CTDSPL2: variants seen among roughly 807,000 people sequenced by gnomAD.
CTDSPL2 encodes the protein CTD small phosphatase like 2, also known as CTD small phosphatase-like protein 2.
In CTDSPL2, 5 loss-of-function variants were observed where a neutral mutation model predicts 60.0. The observed-to-expected ratio is 0.08, with a 90% CI of 0.04 to 0.18. The LOEUF (loss-of-function observed/expected upper bound fraction) is 0.18, where lower values mean the gene tolerates loss of function less well. CTDSPL2 is among the 10% of genes least tolerant of loss of function. The pLI, the probability that CTDSPL2 is intolerant of heterozygous loss-of-function variation, is 1.00. For missense variants in CTDSPL2, 370 were observed against 548.8 expected, an observed-to-expected ratio of 0.67 and a Z score of 3.26; for synonymous variants, 186 against 189.3, an observed-to-expected ratio of 0.98 and a Z score of 0.14.
At chr15:44,478,927 C>G (rs1272247467) in intron 2 of CTDSPL2, among the ~76,000 whole-genome samples, 6 of 152,096 alleles carry the variant, frequency 3.9e-5, no homozygotes, top group Non-Finnish European at 8.8e-5. Flanking sequence ...ACTGACTGCA[C>G]TTTAGCCTGG....
intron 10 of CTDSPL2, among the ~76,000 whole-genome samples, chr15:44,515,420 G>C (rs755591885): frequency 6.6e-6 from 1 of 152,094 alleles, no homozygotes; most frequent in African/African-American, 2.4e-5. Context: ...TGGGAGTGCC[G>C]TGGTGATTTT....
Position 44,486,530 on chromosome 15 carries a change from TTTTTC to T in CTDSPL2, c.326-18_326-14del, listed in dbSNP as rs1271718918. The T allele has an allele frequency of 1.1e-5, 16 of 1,505,080 alleles. No individual in the cohort carries two copies. The highest frequency in any genetic ancestry group is 1.3e-5 in the Non-Finnish European group (15 of 1,121,540). The allele number at this position is 1,505,080 out of a possible 1,614,324, so 93.2% of individuals were successfully genotyped here. ...ATTCAGTGTTTTCTAGATCATGACT[TTTTTC>T]TTGTTTCTTTTTTAGAAGCTGGTAG... is the stretch of plus-strand genomic sequence containing the variant. On this transcript the variant is annotated splice_polypyrimidine_tract_variant and intron_variant, in intron 3 of 12. Transcript: ENST00000260327.
At chr15:44,459,821 C>G (rs1022050964) in intron 2 of CTDSPL2, among the ~76,000 whole-genome samples, 10 of 152,130 alleles carry the variant, frequency 6.6e-5, no homozygotes, top group African/African-American at 2.4e-4. Flanking sequence ...TATTCACTGT[C>G]TAGGGAGGTG....
intron 2 of CTDSPL2, among the ~76,000 whole-genome samples, chr15:44,473,963 G>A (rs2080861404): frequency 6.6e-6 from 1 of 151,972 alleles, no homozygotes; most frequent in African/African-American, 2.4e-5. Context: ...CAGCTAGCTG[G>A]GACTACAGGT....
chr15:44,444,849 T>G (rs1049391875), intron 1 of CTDSPL2, among the ~76,000 whole-genome samples: 5 of 124,686 alleles, frequency 4.0e-5, no homozygotes, highest in African/African-American at 1.4e-4. Context: ...TTTTTTTTTT[T>G]TTTTTTTTTT....
At chr15:44,522,913 C>T (rs1029775695) in intron 12 of CTDSPL2, among the ~76,000 whole-genome samples, 2 of 152,118 alleles carry the variant, frequency 1.3e-5, no homozygotes, top group African/African-American at 2.4e-5. Flanking sequence ...AAGTAGAATT[C>T]CCTTTTACCT....
intron 2 of CTDSPL2, among the ~76,000 whole-genome samples, chr15:44,466,552 T>C (rs1057512734): frequency 2.0e-5 from 3 of 152,220 alleles, no homozygotes; most frequent in Non-Finnish European, 4.4e-5. Context: ...CATGTGAACA[T>C]CATAGTACTT....
chr15:44,446,160 G>A (rs893387730), intron 1 of CTDSPL2, among the ~76,000 whole-genome samples: 9 of 151,770 alleles, frequency 5.9e-5, no homozygotes, highest in African/African-American at 1.7e-4. Context: ...TCCTGACCTC[G>A]TGATCCACCC....
At chr15:44,450,419 C>G (rs2080310270) in intron 1 of CTDSPL2, among the ~76,000 whole-genome samples, 2 of 151,912 alleles carry the variant, frequency 1.3e-5, no homozygotes. Context: ...TTCTAAGAAA[C>G]TGTCTTAAGG....
intron 10 of CTDSPL2, among the ~76,000 whole-genome samples, chr15:44,516,378 T>C (rs538544822): frequency 6.6e-6 from 1 of 152,378 alleles, no homozygotes; most frequent in South Asian, 2.1e-4. Flanking sequence ...GTTGCAAGTA[T>C]ACTGAAAGGC....
Position 44,521,316 on chromosome 15 carries a change from TA to T in CTDSPL2, c.1247del (p.Asn416MetfsTer5). On this transcript the variant is annotated frameshift_variant, in exon 12 of 13. Coordinates refer to ENST00000260327, the MANE Select transcript of CTDSPL2 (RefSeq NM_016396.3). LOFTEE classifies it high-confidence loss of function. ...TTACTTATTTATTGTTTTAGCTTTC[TA>T]ATGGAATCCCTATAGAAAGTTGGTT... ...SPQAFAYQLS[N>X]GIPIESWFMD... The T allele has an allele frequency of 6.9e-7, 1 of 1,443,720 alleles. No individual in the cohort carries two copies. The highest frequency in any genetic ancestry group is 9.6e-7 in the Non-Finnish European group (1 of 1,040,600). The allele number at this position is 1,443,720 out of a possible 1,614,324, so 89.4% of individuals were successfully genotyped here.
In CTDSPL2 at chr15:44,504,620, C is replaced by T. The variant is rs550132801; in HGVS notation, c.969+4807C>T. ...CGGGGCAGTGGCTTGCTTGTAATCC[C>T]TGCACTGGGAGGCTGAGGTGAGAGG... On this transcript the variant is annotated intron_variant, in intron 8 of 12. Coordinates refer to ENST00000260327, the MANE Select transcript of CTDSPL2 (RefSeq NM_016396.3). 2.0e-5 allele frequency among the ~76,000 whole-genome samples: 3 copies of T among 152,112 alleles called. No homozygotes were observed. The East Asian group carries it at 5.8e-4, about 29-fold the overall frequency.
At chr15:44,487,649 A>C (rs925400810) in intron 4 of CTDSPL2, among the ~76,000 whole-genome samples, 2 of 152,196 alleles carry the variant, frequency 1.3e-5, no homozygotes, top group African/African-American at 4.8e-5. Context: ...AGCTGTTTGT[A>C]GTTTGTAATT....
intron 1 of CTDSPL2, among the ~76,000 whole-genome samples, chr15:44,436,501 A>T (rs1385388755): frequency 6.6e-6 from 1 of 152,188 alleles, no homozygotes; most frequent in Non-Finnish European, 1.5e-5. Context: ...TACATGTGAA[A>T]TGCCAGATCT....
chr15:44,519,424 T>G (rs2081718145), intron 11 of CTDSPL2, 129 bp downstream of exon 11: 6 of 822,734 alleles, frequency 7.3e-6, no homozygotes, highest in Non-Finnish European at 9.2e-6. Context: ...AATGTGTCAT[T>G]TTTTTAGAAT....
At chr15:44,451,294 A>G (rs1436059768) in intron 1 of CTDSPL2, among the ~76,000 whole-genome samples, 1 of 151,708 alleles carries the variant, frequency 6.6e-6, no homozygotes, top group Non-Finnish European at 1.5e-5. Context: ...TTTTGTAGAG[A>G]CTGGGGAGTC....
At chr15:44,428,975 T>C (rs534046597) in intron 1 of CTDSPL2, among the ~76,000 whole-genome samples, 4 of 152,330 alleles carry the variant, frequency 2.6e-5, no homozygotes, top group Admixed American at 2.0e-4. Flanking sequence ...ATGTTGAATT[T>C]GGGATCTTTG....
At chr15:44,477,098 GC>G (rs1191102956) in intron 2 of CTDSPL2, among the ~76,000 whole-genome samples, 3 of 152,216 alleles carry the variant, frequency 2.0e-5, no homozygotes, top group Non-Finnish European at 2.9e-5. Context: ...GCGTGGTGCT[GC>G]ACACCTGTAG....
At chr15:44,480,816 G>C (rs2081013366) in intron 2 of CTDSPL2, among the ~76,000 whole-genome samples, 1 of 151,878 alleles carries the variant, frequency 6.6e-6, no homozygotes, top group African/African-American at 2.4e-5. Context: ...ATGGGCGACA[G>C]AGACCCTGCC....
Sources: allele counts gnomAD v4.1 joint callset (sites outside exome capture counted in the v4.1 genomes callset), GRCh38; gene constraint gnomAD v4.1.1; transcripts MANE v1.5; gene names NCBI Gene and HGNC (gene_info 2026-07-23, HGNC 2026-07-21).